Variants in STIM1 observed in about 807,000 individuals in gnomAD.
STIM1 encodes the protein stromal interaction molecule 1.
Under a neutral mutation model 74.7 loss-of-function variants are expected in STIM1, and 25 were observed. That is an observed-to-expected ratio of 0.33 (90% CI 0.24 to 0.47). The LOEUF is 0.47. Ranked by LOEUF, STIM1 falls within the 20% of genes least tolerant of loss-of-function variation. The pLI is 1.00. For missense variants in STIM1, 728 were observed against 920.8 expected (o/e 0.79, Z 2.71); for synonymous variants, 328 against 348.8 (o/e 0.94, Z 0.66).
chr11:4,076,071 A>G (rs889264988), intron 7 of STIM1, among the ~76,000 whole-genome samples: 4 of 152,198 alleles, frequency 2.6e-5, no homozygotes, highest in Non-Finnish European at 4.4e-5. Flanking sequence ...TCTTTTGTCA[A>G]TATAAATACA....
intron 1 of STIM1, among the ~76,000 whole-genome samples, chr11:3,874,829 T>C (rs1205399264): frequency 6.6e-6 from 1 of 152,230 alleles, no homozygotes; most frequent in Non-Finnish European, 1.5e-5. Context: ...GGTGTTATGA[T>C]AGACTGGCAA....
chr11:4,010,027 A>T (rs115819050), intron 2 of STIM1, among the ~76,000 whole-genome samples: 1 of 152,098 alleles, frequency 6.6e-6, no homozygotes. Flanking sequence ...TGCCCAGACT[A>T]GTCTTGAACT....
At chr11:3,887,457 T>C (rs1263538159) in intron 1 of STIM1, among the ~76,000 whole-genome samples, 1 of 152,096 alleles carries the variant, frequency 6.6e-6, no homozygotes, top group African/African-American at 2.4e-5. Flanking sequence ...GGTCAAGGTA[T>C]GTAATAGACA....
chr11:3,932,304 C>A (rs536399265), intron 1 of STIM1, among the ~76,000 whole-genome samples: 1 of 152,284 alleles, frequency 6.6e-6, no homozygotes, highest in Admixed American at 6.5e-5. Context: ...AGACACAGGG[C>A]CTTTGGTGGG....
At chr11:3,903,481 G>C (rs1438118329) in intron 1 of STIM1, 1 of 152,170 alleles carries the variant, frequency 6.6e-6, no homozygotes, top group African/African-American at 2.4e-5. Flanking sequence ...AGATGGCTCT[G>C]TCAGTTGGCA....
At chr11:3,872,419 G>A (rs1025255763) in intron 1 of STIM1, among the ~76,000 whole-genome samples, 2 of 152,200 alleles carry the variant, frequency 1.3e-5, no homozygotes, top group Admixed American at 1.3e-4. Flanking sequence ...AGTTGGAAGG[G>A]AGTGGGTCTG....
chr11:3,876,684 T>C (rs1467042990), intron 1 of STIM1, among the ~76,000 whole-genome samples: 1 of 152,150 alleles, frequency 6.6e-6, no homozygotes, highest in Non-Finnish European at 1.5e-5. Flanking sequence ...GATGGAATTA[T>C]GGGCCACTGG....
Position 4,091,436 on chromosome 11 carries a change from G to A in STIM1, c.1789G>A (p.Gly597Arg). ...SHRLIEGVHP[G>R]SLVEKLPDSP... Reference sequence around the variant, plus strand: ...CCGGCTGATCGAGGGGGTCCACCCAGGGTCTCTGGTGGAGAAACTGCCTGA... The same window carrying A: ...CCGGCTGATCGAGGGGGTCCACCCAAGGTCTCTGGTGGAGAAACTGCCTGA... Residue 597 changes from glycine (G) to arginine (R), a missense_variant, in exon 13 of 13, where the codon GGG (glycine) becomes AGG (arginine). Gly to Arg is a moderately radical substitution (Grantham distance 125). Transcript: ENST00000526596. 6.2e-7 allele frequency: 1 copy of A among 1,614,234 alleles called. No individual in the cohort carries two copies. Among genetic ancestry groups the A allele is most frequent in the Non-Finnish European group, 8.5e-7 (1 of 1,180,040 alleles).
At chr11:3,903,924 C>T (rs564861756) in intron 1 of STIM1, among the ~76,000 whole-genome samples, 17 of 152,280 alleles carry the variant, frequency 1.1e-4, no homozygotes, top group Non-Finnish European at 2.1e-4. Flanking sequence ...AAAGGCTGGG[C>T]TTGGTGGCTC....
Position 3,972,185 on chromosome 11 carries a change from G to T in STIM1, c.270+4503G>T, listed in dbSNP as rs143342840. ...AAGTCTGAAGGGGTGCTCTATTGAG[G>T]CCTCATGTATTCAGCCTCCTACTGG... On this transcript the variant is annotated intron_variant, in intron 2 of 12. Coordinates refer to ENST00000526596, the MANE Select transcript of STIM1 (RefSeq NM_001382567.1). 9.1e-4 allele frequency among the ~76,000 whole-genome samples: 138 copies of T among 152,250 alleles called. No homozygotes were observed. The Middle Eastern group carries it at 0.014, about 15-fold the overall frequency.
chr11:3,957,810 C>T (rs2093235015), intron 1 of STIM1, among the ~76,000 whole-genome samples: 1 of 152,140 alleles, frequency 6.6e-6, no homozygotes, highest in Non-Finnish European at 1.5e-5. Context: ...ATGTGATCTT[C>T]CTACCTTGGC....
At chr11:4,045,038 C>G (rs1300042565) in intron 3 of STIM1, among the ~76,000 whole-genome samples, 1 of 152,174 alleles carries the variant, frequency 6.6e-6, no homozygotes, top group Non-Finnish European at 1.5e-5. Context: ...TCTAGAGTGA[C>G]TTCTGCCTGT....
intron 1 of STIM1, among the ~76,000 whole-genome samples, chr11:3,917,712 G>A (rs2092666999): frequency 6.6e-6 from 1 of 152,192 alleles, no homozygotes; most frequent in Non-Finnish European, 1.5e-5. Context: ...GGGACTGCAG[G>A]TGTGAGCCAC....
At chr11:3,980,923 T>C (rs572622363) in intron 2 of STIM1, among the ~76,000 whole-genome samples, 62 of 152,270 alleles carry the variant, frequency 4.1e-4, no homozygotes, top group African/African-American at 1.4e-3. Flanking sequence ...CCAGTTACTA[T>C]TGTCAGTTGT....
chr11:3,995,158 G>A (rs2093652392), intron 2 of STIM1, among the ~76,000 whole-genome samples: 1 of 151,430 alleles, frequency 6.6e-6, no homozygotes, highest in African/African-American at 2.4e-5. Context: ...TCTGACATCT[G>A]GTCCCTCTTA....
At position 3,856,312 on chromosome 11, in the gene STIM1, A is replaced by T; in HGVS notation, c.42A>T (p.Gly14=). The T allele has an allele frequency of 6.2e-7, 1 of 1,613,816 alleles. No individual in the cohort carries two copies. The highest frequency in any genetic ancestry group is 2.2e-5 in the East Asian group (1 of 44,870). The change falls in exon 1 of 13, where the codon GGA becomes GGT. Residue 14 remains glycine (G), a synonymous_variant. Coordinates refer to ENST00000526596, the MANE Select transcript of STIM1 (RefSeq NM_001382567.1). ...GTCTTGCCCTGTGGCTCCTCTGGGG[A>T]CTCCTCCTGCACCAGGGCCAGAGCC... The part of the protein sequence containing the change: ...CVRLALWLLW[G]LLLHQGQSLS...
At chr11:3,907,277 A>T (rs959355397) in intron 1 of STIM1, among the ~76,000 whole-genome samples, 2 of 152,260 alleles carry the variant, frequency 1.3e-5, no homozygotes, top group Admixed American at 6.5e-5. Flanking sequence ...AAGTCCACTT[A>T]CATAATTTTA....
intron 2 of STIM1, among the ~76,000 whole-genome samples, chr11:3,983,238 T>C (rs901659042): frequency 2.0e-5 from 3 of 152,182 alleles, no homozygotes; most frequent in African/African-American, 7.2e-5. Flanking sequence ...CCTGCCTCTA[T>C]CTCCATTTCC....
intron 9 of STIM1, 137 bp from the exon 10 acceptor site, chr11:4,083,126 G>A (rs748192222): frequency 4.4e-5 from 52 of 1,168,938 alleles, no homozygotes; most frequent in African/African-American, 9.1e-5. Context: ...TTTATCTCCT[G>A]CCTTGCTCTT....
Sources: allele counts gnomAD v4.1 joint callset (sites outside exome capture counted in the v4.1 genomes callset), GRCh38; gene constraint gnomAD v4.1.1; transcripts MANE v1.5; gene names NCBI Gene and HGNC (gene_info 2026-07-23, HGNC 2026-07-21).